The following PRKCA variants were observed in gnomAD, a reference collection of about 807,000 sequenced individuals.
PRKCA encodes protein kinase C alpha.
A neutral mutation model predicts 87.0 loss-of-function variants in PRKCA; 27 were observed. The ratio of observed to expected loss-of-function variants is 0.31; its 90% CI spans 0.23 to 0.43. The LOEUF (loss-of-function observed/expected upper bound fraction) is 0.43. PRKCA is among the 20% of genes least tolerant of loss of function. The pLI, the probability that PRKCA is intolerant of heterozygous loss-of-function variation, is 1.00. For synonymous variants in PRKCA, 329 were observed against 311.1 expected, an observed-to-expected ratio of 1.06 and a Z score of -0.61; for missense variants, 518 against 852.3, an observed-to-expected ratio of 0.61 and a Z score of 4.88.
chr17:66,582,840 A>G (rs1305515950), intron 3 of PRKCA, among the ~76,000 whole-genome samples: 5 of 152,088 alleles, frequency 3.3e-5, no homozygotes, highest in South Asian at 2.1e-4. Flanking sequence ...AAAACTCTCT[A>G]AAGCCAGAGG....
intron 3 of PRKCA, among the ~76,000 whole-genome samples, chr17:66,633,188 T>A (rs540270093): frequency 6.6e-6 from 1 of 152,260 alleles, no homozygotes; most frequent in South Asian, 2.1e-4. Context: ...TGATACACAA[T>A]GTAATAATTA....
At chr17:66,762,884 G>A (rs368736442) in intron 13 of PRKCA, among the ~76,000 whole-genome samples, 18 of 152,112 alleles carry the variant, frequency 1.2e-4, no homozygotes, top group East Asian at 9.7e-4. Flanking sequence ...TCTACCTCCC[G>A]GGTTCAAGCG....
At chr17:66,799,659 CGGTGGTGGT>C (rs762210806) in intron 16 of PRKCA, among the ~76,000 whole-genome samples, 9 of 13,816 alleles carry the variant, frequency 6.5e-4, no homozygotes, top group Non-Finnish European at 1.1e-3. Context: ...GTGGTAGTGA[CGGTGGTGGT>C]GGTGGTGGTG....
chr17:66,718,174 A>G (rs904513983), intron 8 of PRKCA, among the ~76,000 whole-genome samples: 6 of 132,896 alleles, frequency 4.5e-5, no homozygotes, highest in African/African-American at 1.4e-4. Flanking sequence ...TCTCTCTCTT[A>G]GTTCTGAATG....
At chr17:66,512,986 C>T (rs1042655795) in intron 3 of PRKCA, among the ~76,000 whole-genome samples, 1 of 152,236 alleles carries the variant, frequency 6.6e-6, no homozygotes, top group Non-Finnish European at 1.5e-5. Context: ...AGCCGCCGCA[C>T]CTGGTCCCCC....
At chr17:66,700,983 C>T (rs1973046151) in intron 8 of PRKCA, among the ~76,000 whole-genome samples, 1 of 152,044 alleles carries the variant, frequency 6.6e-6, no homozygotes, top group Non-Finnish European at 1.5e-5. Flanking sequence ...ACAAAAGACC[C>T]TGAATAGCTA....
At chr17:66,406,160 C>T (rs942178442) in intron 2 of PRKCA, among the ~76,000 whole-genome samples, 17 of 151,826 alleles carry the variant, frequency 1.1e-4, no homozygotes, top group African/African-American at 3.4e-4. Flanking sequence ...TCTAGGAAGA[C>T]GGGATAACAG....
At chr17:66,313,860 G>C (rs768134308) in intron 2 of PRKCA, among the ~76,000 whole-genome samples, 92 of 152,166 alleles carry the variant, frequency 6.0e-4, no homozygotes, top group Non-Finnish European at 1.2e-3. Context: ...GGCAGCTTTG[G>C]AGTGAAACAG....
At position 66,625,506 on chromosome 17, in the gene PRKCA, A is replaced by G. The variant is rs1373335265; in HGVS notation, c.289-15849A>G. On this transcript the variant is annotated intron_variant, in intron 3 of 16. Coordinates refer to ENST00000413366, the MANE Select transcript of PRKCA (RefSeq NM_002737.3). ...TCTACTCCAGCTTGGACACATTCGC[A>G]GTAGTAGGAATAGAAATCTAGAGAT... Among the ~76,000 whole-genome samples the G allele has an allele frequency of 2.0e-5, 3 of 152,216 alleles. No individual in the cohort carries two copies. In the East Asian group the frequency reaches 5.8e-4, roughly 29 times the overall value.
intron 2 of PRKCA, among the ~76,000 whole-genome samples, chr17:66,307,209 A>T (rs1352174874): frequency 2.0e-5 from 3 of 152,210 alleles, no homozygotes; most frequent in Admixed American, 6.5e-5. Flanking sequence ...AGATGTGCTT[A>T]AAACCCCTAC....
At chr17:66,338,530 G>A (rs1906845634) in intron 2 of PRKCA, among the ~76,000 whole-genome samples, 1 of 151,942 alleles carries the variant, frequency 6.6e-6, no homozygotes, top group African/African-American at 2.4e-5. Flanking sequence ...TTTTCATTAT[G>A]CAACTCTTCA....
At chr17:66,732,932 T>A in intron 9 of PRKCA, 107 bp downstream of exon 9, 28 of 1,387,550 alleles carry the variant, frequency 2.0e-5, no homozygotes, top group Non-Finnish European at 2.5e-5. Flanking sequence ...TCCCTGTGAT[T>A]CAAGGTCAGG....
intron 5 of PRKCA, among the ~76,000 whole-genome samples, chr17:66,665,171 A>G (rs1285017833): frequency 1.3e-5 from 2 of 152,208 alleles, no homozygotes; most frequent in Non-Finnish European, 1.5e-5. Context: ...TTTTGTGCCA[A>G]GCACTATGCC....
intron 5 of PRKCA, among the ~76,000 whole-genome samples, chr17:66,664,258 T>C (rs1370316665): frequency 6.6e-6 from 1 of 152,190 alleles, no homozygotes; most frequent in Non-Finnish European, 1.5e-5. Flanking sequence ...TGAGTGAATA[T>C]GTGGTTCAGA....
At chr17:66,724,052 G>T (rs1216359780) in intron 8 of PRKCA, among the ~76,000 whole-genome samples, 1 of 152,182 alleles carries the variant, frequency 6.6e-6, no homozygotes, top group Non-Finnish European at 1.5e-5. Context: ...AACCTTAAAT[G>T]TGCACAGGAC....
intron 3 of PRKCA, among the ~76,000 whole-genome samples, chr17:66,547,280 A>C (rs754363374): frequency 6.6e-6 from 1 of 152,190 alleles, no homozygotes; most frequent in Non-Finnish European, 1.5e-5. Context: ...CCTTCTTTGA[A>C]TCACTCAATG....
At chr17:66,377,518 T>C (rs557671978) in intron 2 of PRKCA, among the ~76,000 whole-genome samples, 6 of 148,226 alleles carry the variant, frequency 4.0e-5, no homozygotes. Context: ...TACGTATATA[T>C]GTATATATAT....
chr17:66,736,251 AAAAC>A (rs1974023056), intron 10 of PRKCA, among the ~76,000 whole-genome samples: 1 of 151,482 alleles, frequency 6.6e-6, no homozygotes, highest in African/African-American at 2.4e-5. Context: ...TTGGGATACA[AAAAC>A]AAACAAACAA....
At chr17:66,761,386 C>G (rs1017187542) in intron 13 of PRKCA, among the ~76,000 whole-genome samples, 2 of 150,148 alleles carry the variant, frequency 1.3e-5, no homozygotes, top group African/African-American at 4.9e-5. Flanking sequence ...AAAAAAGATA[C>G]ATAGTTTGGA....
Sources: gnomAD v4.1 joint callset for allele counts (sites outside exome capture counted in the v4.1 genomes callset) on GRCh38, gnomAD v4.1.1 for gene constraint, MANE v1.5 for transcripts, NCBI Gene and HGNC (gene_info 2026-07-23, HGNC 2026-07-21) for gene names.